Variants in ZNF567 observed in about 807,000 individuals in gnomAD.
ZNF567 encodes zinc finger protein 567.
ZNF567 carries 36 observed loss-of-function variants against 53.9 expected under a neutral mutation model. That is an observed-to-expected ratio of 0.67 (90% CI 0.51 to 0.88). The LOEUF (loss-of-function observed/expected upper bound fraction) is 0.88, where lower values mean the gene tolerates loss of function less well. Among genes scored for constraint, ZNF567 ranks in the 40% least tolerant of loss-of-function variants. The pLI is 0.00. For synonymous variants in ZNF567, 224 were observed against 260.4 expected (o/e 0.86, Z 1.35); for missense variants, 619 against 764.7 (o/e 0.81, Z 2.25).
the ZNF567 span, among the ~76,000 whole-genome samples, chr19:36,677,331 C>T: frequency 1.9e-3 from 269 of 141,142 alleles, 1 homozygote; most frequent in African/African-American, 6.8e-3. Flanking sequence ...TTGAGGCGGG[C>T]ACCTGTAATC....
chr19:36,712,253 G>T, intron 3 of ZNF567, 133 bp from the exon 4 acceptor site: 1 of 797,596 alleles, frequency 1.3e-6, no homozygotes, highest in Non-Finnish European at 1.9e-6. Context: ...TCACCATCTT[G>T]GCCAGGGTGG....
chr19:36,720,243 T>C lies in ZNF567; in HGVS notation c.1519T>C (p.Cys507Arg). The part of the protein sequence containing the change: ...RTHTGEKPYE[C>R]NECGKSFSQK... ...TCACACAGGAGAGAAACCATATGAA[T>C]GTAATGAATGTGGTAAATCATTCAG... Residue 507 changes from cysteine (C) to arginine (R), a missense_variant, in exon 6 of 6, where the codon TGT becomes CGT. Cys to Arg is a radical substitution (Grantham distance 180, BLOSUM62 -3). Coordinates refer to ENST00000682579, the MANE Select transcript of ZNF567 (RefSeq NM_001322917.1). 1.2e-6 allele frequency: 2 copies of C among 1,614,144 alleles called. No homozygotes were observed. Among genetic ancestry groups the C allele is most frequent in the Non-Finnish European group, 1.7e-6 (2 of 1,180,028 alleles).
At chr19:36,684,712 A>G (rs2038234568), upstream of ZNF567, among the ~76,000 whole-genome samples, 2 of 152,154 alleles carry the variant, frequency 1.3e-5, no homozygotes, top group South Asian at 2.1e-4. Flanking sequence ...AACCCTTCAC[A>G]TAGGCAAAGA....
the ZNF567 span, among the ~76,000 whole-genome samples, chr19:36,679,505 C>A: frequency 6.6e-6 from 1 of 152,144 alleles, no homozygotes; most frequent in African/African-American, 2.4e-5. Context: ...GAATTGACAT[C>A]AGTATGTCAA....
the ZNF567 span, among the ~76,000 whole-genome samples, chr19:36,671,358 CTCCTCCT>C: frequency 6.6e-6 from 1 of 152,196 alleles, no homozygotes; most frequent in East Asian, 1.9e-4. Flanking sequence ...TTCCATCTGG[CTCCTCCT>C]ACAGTCAAAA....
the ZNF567 span, among the ~76,000 whole-genome samples, chr19:36,681,935 C>T: frequency 6.6e-6 from 1 of 151,820 alleles, no homozygotes; most frequent in South Asian, 2.1e-4. Context: ...GACATACAAC[C>T]AGATATATGT....
downstream of ZNF567, among the ~76,000 whole-genome samples, chr19:36,725,344 A>C (rs1044338522): frequency 6.6e-6 from 1 of 152,046 alleles, no homozygotes; most frequent in Non-Finnish European, 1.5e-5. Context: ...CTGGGATTAC[A>C]GGTGCATGCC....
chr19:36,720,677 G>A lies in ZNF567; in HGVS notation c.*9G>A. 6.6e-7 allele frequency: 1 copy of A among 1,511,780 alleles called. No homozygotes were observed. The highest frequency in any genetic ancestry group is 1.4e-5 in the South Asian group (1 of 71,206). The allele number at this position is 1,511,780 out of a possible 1,614,324, so 93.6% of individuals were successfully genotyped here. On this transcript the variant is annotated 3_prime_UTR_variant, in exon 6 of 6. Coordinates refer to ENST00000682579, the MANE Select transcript of ZNF567 (RefSeq NM_001322917.1). ...ACATTGAAATGCAATAAATGATGTG[G>A]TTTCTTATATGAATTCTTTACAAGC...
chr19:36,721,808 G>A (rs568144654), downstream of ZNF567, among the ~76,000 whole-genome samples: 43 of 147,136 alleles, frequency 2.9e-4, no homozygotes, highest in Non-Finnish European at 4.9e-4. Flanking sequence ...GCAGTGGAGC[G>A]ATCTCGGCTC....
the ZNF567 span, among the ~76,000 whole-genome samples, chr19:36,676,922 G>C: frequency 6.6e-6 from 1 of 152,164 alleles, no homozygotes; most frequent in East Asian, 1.9e-4. Context: ...TTGGGAGGCC[G>C]AGGTGGGCAG....
intron 5 of ZNF567, among the ~76,000 whole-genome samples, chr19:36,717,714 G>A (rs1178868319): frequency 6.6e-6 from 1 of 152,178 alleles, no homozygotes; most frequent in Non-Finnish European, 1.5e-5. Context: ...AGTAAAGTTA[G>A]AAATAGCTAT....
intron 2 of ZNF567, 131 bp from the exon 3 acceptor site, chr19:36,694,671 A>G (rs2038786629): frequency 2.0e-6 from 1 of 509,710 alleles, no homozygotes; most frequent in East Asian, 3.4e-5. Flanking sequence ...TCCCATCTAT[A>G]TTTATGTGGC....
chr19:36,725,359 C>T (rs1346034070), downstream of ZNF567, among the ~76,000 whole-genome samples: 2 of 152,002 alleles, frequency 1.3e-5, no homozygotes, highest in Admixed American at 6.6e-5. Flanking sequence ...CATGCCACCA[C>T]ACCCGGCTAA....
rs149324007 is a variant in ZNF567 at position 36,712,200 on chromosome 19, C to T, written c.10-186C>T. ...TAACTGGGATTACAGGCGCACACCA[C>T]TATGCCCAGCTAATTTTTTGTATTT... On this transcript the variant is annotated intron_variant, in intron 3 of 5. Coordinates refer to ENST00000682579, the MANE Select transcript of ZNF567 (RefSeq NM_001322917.1). 370 of 501,114 alleles carry T rather than the reference C, an allele frequency of 7.4e-4. 4 individuals are homozygous for T. The East Asian group carries it at 0.011, about 16-fold the overall frequency. 31.0% of individuals were successfully genotyped at this position (501,114 alleles called of 1,614,324 possible).
chr19:36,684,840 C>T (rs1426338564), upstream of ZNF567, among the ~76,000 whole-genome samples: 1 of 152,100 alleles, frequency 6.6e-6, no homozygotes, highest in East Asian at 1.9e-4. Flanking sequence ...AGAAATAACA[C>T]AGGAGAGACG....
chr19:36,692,781 G>A (rs1465052510), intron 2 of ZNF567, among the ~76,000 whole-genome samples: 1 of 152,138 alleles, frequency 6.6e-6, no homozygotes, highest in African/African-American at 2.4e-5. Context: ...ATTTTTGCAA[G>A]CTTCTGTGGA....
At chr19:36,721,393 C>T (rs1449777153), downstream of ZNF567, 1 of 152,096 alleles carries the variant, frequency 6.6e-6, no homozygotes, top group African/African-American at 2.4e-5. Flanking sequence ...TGGGACTGGA[C>T]TTATTCATTC....
At chr19:36,701,597 A>T (rs960295971) in intron 3 of ZNF567, among the ~76,000 whole-genome samples, 2 of 152,046 alleles carry the variant, frequency 1.3e-5, no homozygotes, top group African/African-American at 4.8e-5. Context: ...TGCTTTATGC[A>T]TCTGGGTGCT....
chr19:36,716,176 C>G (rs2040056856), intron 5 of ZNF567, among the ~76,000 whole-genome samples: 2 of 152,018 alleles, frequency 1.3e-5, no homozygotes, highest in African/African-American at 2.4e-5. Flanking sequence ...TCACAATAAG[C>G]CCTCATCTGG....
Sources: allele counts gnomAD v4.1 joint callset (sites outside exome capture counted in the v4.1 genomes callset), GRCh38; gene constraint gnomAD v4.1.1; transcripts MANE v1.5; gene names NCBI Gene and HGNC (gene_info 2026-07-23, HGNC 2026-07-21).